Variants in PCDH15 observed in about 807,000 individuals in gnomAD.
PCDH15 encodes protocadherin related 15, also known as protocadherin-15.
Under a neutral mutation model 178.5 loss-of-function variants are expected in PCDH15, and 129 were observed. The ratio of observed to expected loss-of-function variants is 0.72; its 90% confidence interval spans 0.63 to 0.84. The LOEUF (loss-of-function observed/expected upper bound fraction) is 0.84. Ranked by LOEUF, PCDH15 falls within the 40% of genes least tolerant of loss-of-function variation. PCDH15 has a pLI of 0.00. For missense variants in PCDH15, 2,230 were observed against 2,099.9 expected, an observed-to-expected ratio of 1.06 and a Z score of -1.21; for synonymous variants, 800 against 732.0, an observed-to-expected ratio of 1.09 and a Z score of -1.50.
chr10:54,824,995 G>A (rs1172334515), intron 3 of PCDH15, among the ~76,000 whole-genome samples: 4 of 151,924 alleles, frequency 2.6e-5, no homozygotes. Flanking sequence ...TTAGCATTAG[G>A]TATATCTCCC....
intron 7 of PCDH15, among the ~76,000 whole-genome samples, chr10:54,324,803 CTT>C (rs1341519915): frequency 6.6e-6 from 1 of 151,776 alleles, no homozygotes; most frequent in African/African-American, 2.4e-5. Context: ...TAAATATAAA[CTT>C]TTTTCTTTCT....
chr10:53,976,218 C>A (rs967933715), intron 21 of PCDH15, among the ~76,000 whole-genome samples: 4 of 152,004 alleles, frequency 2.6e-5, no homozygotes, highest in Admixed American at 6.6e-5. Context: ...ATGCTTCCAC[C>A]TTTATTCTTT....
At chr10:55,346,440 TTCTTATAATATAC>T (rs1358158453) in intron 2 of PCDH15, among the ~76,000 whole-genome samples, 1 of 152,162 alleles carries the variant, frequency 6.6e-6, no homozygotes, top group African/African-American at 2.4e-5. Context: ...TTTCCCTTAA[TTCTTATAATATAC>T]TCTGATTTTA....
intron 1 of PCDH15, among the ~76,000 whole-genome samples, chr10:54,778,739 G>A (rs913832106): frequency 1.9e-4 from 29 of 152,100 alleles, no homozygotes; most frequent in African/African-American, 6.0e-4. Flanking sequence ...TTGACTGGTC[G>A]TATTGAATCT....
chr10:55,396,315 G>A (rs764340747), intron 2 of PCDH15, among the ~76,000 whole-genome samples: 3 of 152,130 alleles, frequency 2.0e-5, no homozygotes, highest in Non-Finnish European at 4.4e-5. Context: ...ACAAAACAAA[G>A]AACAGCCTTT....
chr10:55,114,835 A>G (rs1837591590), intron 2 of PCDH15, among the ~76,000 whole-genome samples: 1 of 152,206 alleles, frequency 6.6e-6, no homozygotes, highest in Admixed American at 6.5e-5. Flanking sequence ...GTAAACTTCT[A>G]TGTTATTTAA....
At chr10:55,395,585 A>G (rs1490369925) in intron 2 of PCDH15, among the ~76,000 whole-genome samples, 9 of 152,096 alleles carry the variant, frequency 5.9e-5, no homozygotes, top group African/African-American at 2.2e-4. Context: ...TAATTTTTTA[A>G]GCCTATAGAA....
chr10:54,976,506 AG>A (rs1223622666), intron 2 of PCDH15, among the ~76,000 whole-genome samples: 8 of 152,148 alleles, frequency 5.3e-5, no homozygotes, highest in Admixed American at 5.2e-4. Flanking sequence ...TGGAATACTA[AG>A]GGTGTGGAAA....
At chr10:55,456,863 C>T (rs1839565451) in intron 2 of PCDH15, among the ~76,000 whole-genome samples, 1 of 151,942 alleles carries the variant, frequency 6.6e-6, no homozygotes, top group African/African-American at 2.4e-5. Flanking sequence ...AAGTTCTGAG[C>T]AGTAACTGGT....
chr10:55,567,802 C>G (rs951299027), intron 2 of PCDH15, among the ~76,000 whole-genome samples: 6 of 151,642 alleles, frequency 4.0e-5, no homozygotes, highest in Non-Finnish European at 8.8e-5. Context: ...TTGTGCCACC[C>G]TCGAAACTTG....
At chr10:54,119,715 A>C (rs2095181667) in intron 15 of PCDH15, among the ~76,000 whole-genome samples, 1 of 152,092 alleles carries the variant, frequency 6.6e-6, no homozygotes, top group Non-Finnish European at 1.5e-5. Flanking sequence ...CAACATCAAT[A>C]CTTAAGAAAA....
chr10:55,464,505 C>T (rs914978831), intron 2 of PCDH15, among the ~76,000 whole-genome samples: 34 of 151,818 alleles, frequency 2.2e-4, no homozygotes, highest in African/African-American at 8.0e-4. Flanking sequence ...TTAGCACTCA[C>T]ATTGCTTTGC....
chr10:54,829,752 A>T (rs1719689116), intron 3 of PCDH15, among the ~76,000 whole-genome samples: 1 of 152,056 alleles, frequency 6.6e-6, no homozygotes, highest in African/African-American at 2.4e-5. Flanking sequence ...GACAGTTGTA[A>T]TTTATTCCTG....
chr10:53,916,440 G>A, intron 25 of PCDH15, among the ~76,000 whole-genome samples: 1 of 151,958 alleles, frequency 6.6e-6, no homozygotes. Flanking sequence ...GTTTTCATTG[G>A]TACTGCCAAC....
At chr10:53,842,609 A>G (rs1401004427) in intron 28 of PCDH15, among the ~76,000 whole-genome samples, 4 of 152,212 alleles carry the variant, frequency 2.6e-5, no homozygotes, top group Non-Finnish European at 2.9e-5. Context: ...GCATTCGGTG[A>G]AATAAAGCTT....
chr10:54,638,332 G>A (rs1590742753), intron 2 of PCDH15, among the ~76,000 whole-genome samples: 1 of 151,786 alleles, frequency 6.6e-6, no homozygotes, highest in Non-Finnish European at 1.5e-5. Flanking sequence ...AGAAACCCAT[G>A]GCCTCCCAAA....
chr10:54,811,201 G>T (rs1016649727), intron 3 of PCDH15, among the ~76,000 whole-genome samples: 3 of 151,826 alleles, frequency 2.0e-5, no homozygotes, highest in Non-Finnish European at 2.9e-5. Flanking sequence ...AAACAAATGT[G>T]AACATTTTCT....
intron 2 of PCDH15, among the ~76,000 whole-genome samples, chr10:55,594,262 T>C (rs188952226): frequency 6.6e-6 from 1 of 152,108 alleles, no homozygotes; most frequent in East Asian, 1.9e-4. Context: ...CATTCACAGA[T>C]GTGTTAACAA....
intron 3 of PCDH15, among the ~76,000 whole-genome samples, chr10:54,422,935 A>G (rs1955733084): frequency 6.6e-6 from 1 of 152,154 alleles, no homozygotes; most frequent in Admixed American, 6.6e-5. Flanking sequence ...AACATGGAAT[A>G]ATTAACCACA....
Sources: allele counts gnomAD v4.1 joint callset (sites outside exome capture counted in the v4.1 genomes callset), GRCh38; gene constraint gnomAD v4.1.1; transcripts MANE v1.5; gene names NCBI Gene and HGNC (gene_info 2026-07-23, HGNC 2026-07-21).